DPY19L4: variants seen among roughly 807,000 people sequenced by gnomAD.
The protein encoded by DPY19L4 is probable C-mannosyltransferase DPY19L4.
A neutral mutation model predicts 102.8 loss-of-function variants in DPY19L4; 97 were observed. The observed-to-expected ratio is 0.94, with a 90% CI of 0.80 to 1.12. The LOEUF (loss-of-function observed/expected upper bound fraction) is 1.12. DPY19L4 is among the 50% of genes most tolerant of loss of function. The pLI is 0.00. For synonymous variants in DPY19L4, 252 were observed against 283.1 expected, an observed-to-expected ratio of 0.89 and a Z score of 1.10; for missense variants, 815 against 850.4, an observed-to-expected ratio of 0.96 and a Z score of 0.52.
At position 94,770,517 on chromosome 8, in the gene DPY19L4, T is replaced by C. The variant is rs145302525; in HGVS notation, c.1400T>C (p.Ile467Thr). 1.7e-5 allele frequency: 27 copies of C among 1,613,876 alleles called. No homozygotes were observed. In the African/African-American group the frequency reaches 3.3e-4, roughly 20 times the overall value. The change falls in exon 13 of 19, where the codon ATT (isoleucine) becomes ACT (threonine). Residue 467 changes from isoleucine (I) to threonine (T), a missense_variant. Physicochemically the swap from Ile to Thr is moderately conservative, Grantham distance 89. Transcript: ENST00000414645. ...DGRIGERPEI[I>T]YHVIHTILLG... ...CGAATTGGAGAAAGACCAGAAATAA[T>C]TTATCATGTAATTCACACTATTTTA...
At position 94,790,023 on chromosome 8, in the gene DPY19L4, T is replaced by C. The variant is rs1295892226; in HGVS notation, c.*113T>C. 9.6e-7 allele frequency: 1 copy of C among 1,046,130 alleles called. No individual in the cohort carries two copies. The highest frequency in any genetic ancestry group is 1.4e-6 in the Non-Finnish European group (1 of 722,776). 64.8% of individuals were successfully genotyped at this position (1,046,130 alleles called of 1,614,324 possible). On this transcript the variant is annotated 3_prime_UTR_variant, in exon 19 of 19. Coordinates refer to ENST00000414645, the MANE Select transcript of DPY19L4 (RefSeq NM_181787.3). ...TGGACATTTGAAATATTGCTGCTTC[T>C]TTCCCCCTTCTGCTGTTAACTGGAT...
intron 6 of DPY19L4, among the ~76,000 whole-genome samples, chr8:94,751,254 G>GACT (rs1319939558): frequency 1.3e-5 from 2 of 150,980 alleles, no homozygotes; most frequent in Non-Finnish European, 2.9e-5. Flanking sequence ...GAGTAGCTGG[G>GACT]ACTACAGGCG....
At chr8:94,720,686 ATAAG>A (rs1291484529) in intron 1 of DPY19L4, among the ~76,000 whole-genome samples, 4 of 152,224 alleles carry the variant, frequency 2.6e-5, no homozygotes, top group Non-Finnish European at 4.4e-5. Context: ...CAATGCTAAG[ATAAG>A]TAATTCATTC....
chr8:94,721,836 T>C (rs1438620319), intron 1 of DPY19L4, among the ~76,000 whole-genome samples: 1 of 152,226 alleles, frequency 6.6e-6, no homozygotes, highest in Non-Finnish European at 1.5e-5. Flanking sequence ...GGGCGGGGCA[T>C]GATGGCTCAT....
At chr8:94,748,784 A>C (rs2130844336) in intron 6 of DPY19L4, among the ~76,000 whole-genome samples, 1 of 152,296 alleles carries the variant, frequency 6.6e-6, no homozygotes, top group South Asian at 2.1e-4. Context: ...TGAACTGCGC[A>C]TTTGAGGGAT....
chr8:94,752,367 G>A (rs1172477645), intron 6 of DPY19L4, among the ~76,000 whole-genome samples: 1 of 151,924 alleles, frequency 6.6e-6, no homozygotes, highest in East Asian at 2.0e-4. Context: ...GGCGGATCAT[G>A]AGGTTAAGAG....
At chr8:94,783,236 G>A (rs1226572552) in intron 16 of DPY19L4, among the ~76,000 whole-genome samples, 1 of 152,180 alleles carries the variant, frequency 6.6e-6, no homozygotes, top group East Asian at 1.9e-4. Context: ...GACAGTGAAG[G>A]AGCAGGAGGA....
intron 3 of DPY19L4, among the ~76,000 whole-genome samples, chr8:94,737,295 C>T (rs1374541260): frequency 6.6e-6 from 1 of 152,024 alleles, no homozygotes; most frequent in Non-Finnish European, 1.5e-5. Flanking sequence ...AAGCGATTCT[C>T]CCACCTCCCG....
intron 17 of DPY19L4, among the ~76,000 whole-genome samples, chr8:94,787,435 A>T (rs533863934): frequency 6.6e-6 from 1 of 152,286 alleles, no homozygotes; most frequent in South Asian, 2.1e-4. Context: ...ATAGGCAGCT[A>T]TGGTGACAGG....
At chr8:94,766,203 G>A (rs1436351897) in intron 10 of DPY19L4, among the ~76,000 whole-genome samples, 7 of 152,128 alleles carry the variant, frequency 4.6e-5, no homozygotes, top group Non-Finnish European at 7.3e-5. Context: ...GTGAAACCTC[G>A]TCTCTACTAA....
intron 6 of DPY19L4, among the ~76,000 whole-genome samples, chr8:94,747,437 G>A (rs1193964029): frequency 2.0e-5 from 3 of 151,914 alleles, no homozygotes; most frequent in South Asian, 4.1e-4. Flanking sequence ...AATTAAAGTG[G>A]TACCGCATTG....
intron 6 of DPY19L4, among the ~76,000 whole-genome samples, chr8:94,751,093 T>G (rs1358446198): frequency 6.7e-6 from 1 of 148,876 alleles, no homozygotes; most frequent in Non-Finnish European, 1.5e-5. Flanking sequence ...CAAAATTTCC[T>G]TTCTAATACC....
chr8:94,761,804 A>G lies in DPY19L4; in HGVS notation c.840A>G (p.Leu280=), dbSNP rs1473519703. The G allele has an allele frequency of 6.2e-7, 1 of 1,610,148 alleles. No individual in the cohort carries two copies. Among genetic ancestry groups the G allele is most frequent in the Middle Eastern group, 1.7e-4 (1 of 6,034 alleles). Residue 280 remains leucine (L), a synonymous_variant, in exon 8 of 19, where the codon CTA becomes CTG. Coordinates refer to ENST00000414645, the MANE Select transcript of DPY19L4 (RefSeq NM_181787.3). ...TTCAAGCAATATCTCTATTCCTGCT[A>G]GATACCTTTTCAGTGGAGCAAAGTG... is the stretch of plus-strand genomic sequence containing the variant. ...LFLQAISLFL[L]DTFSVEQSDK... is the part of the protein sequence containing the mutation.
chr8:94,770,737 C>T (rs975091025), intron 13 of DPY19L4, among the ~76,000 whole-genome samples, 166 bp downstream of exon 13: 1 of 151,918 alleles, frequency 6.6e-6, no homozygotes, highest in Non-Finnish European at 1.5e-5. Flanking sequence ...GGTGAGACTC[C>T]GTCTCTACTA....
chr8:94,737,574 G>C (rs1337524855), intron 3 of DPY19L4, among the ~76,000 whole-genome samples: 3 of 151,550 alleles, frequency 2.0e-5, no homozygotes, highest in African/African-American at 4.8e-5. Flanking sequence ...ACGAGGTCAG[G>C]AGATTGAGAC....
Position 94,789,798 on chromosome 8 carries a change from G to C in DPY19L4, c.2060G>C (p.Cys687Ser). Residue 687 changes from cysteine (C) to serine (S), a missense_variant, in exon 19 of 19, where the codon TGT (cysteine) becomes TCT (serine). Cys to Ser is a moderately radical substitution (Grantham distance 112). Coordinates refer to ENST00000414645, the MANE Select transcript of DPY19L4 (RefSeq NM_181787.3). ...ACCTACTCAAAATATGGGCGATTTT[G>C]TCATGAGGTCAAAATTAACTATTCT... ...KLTYSKYGRF[C>S]HEVKINYSPY... is the part of the protein sequence containing the mutation. 1 of 1,611,966 alleles carries C rather than the reference G, an allele frequency of 6.2e-7. No individual in the cohort carries two copies. Among genetic ancestry groups the C allele is most frequent in the South Asian group, 1.1e-5 (1 of 90,518 alleles).
intron 14 of DPY19L4, among the ~76,000 whole-genome samples, chr8:94,778,029 G>A (rs1021467885): frequency 4.6e-5 from 7 of 152,162 alleles, no homozygotes; most frequent in South Asian, 2.1e-4. Context: ...CCAGGAGTTC[G>A]AGACCAGTCT....
intron 14 of DPY19L4, among the ~76,000 whole-genome samples, chr8:94,779,339 T>C (rs1465039503): frequency 6.6e-6 from 1 of 151,790 alleles, no homozygotes; most frequent in South Asian, 2.1e-4. Flanking sequence ...TTTTTTCTTT[T>C]TGAGACAGAG....
intron 8 of DPY19L4, among the ~76,000 whole-genome samples, chr8:94,764,575 C>CAAA (rs554856939): frequency 1.9e-5 from 1 of 53,140 alleles, no homozygotes. Flanking sequence ...GACTCCGTCT[C>CAAA]AAAAAAAAAA....
Sources: gnomAD v4.1 joint callset for allele counts (sites outside exome capture counted in the v4.1 genomes callset) on GRCh38, gnomAD v4.1.1 for gene constraint, MANE v1.5 for transcripts, NCBI Gene and HGNC (gene_info 2026-07-23, HGNC 2026-07-21) for gene names.